DDX54: variants seen among roughly 807,000 people sequenced by gnomAD.
DDX54 encodes the protein DEAD-box helicase 54.
DDX54 carries 67 observed loss-of-function variants against 105.5 expected under a neutral mutation model. The observed-to-expected ratio is 0.64, with a 90% CI of 0.52 to 0.78. The LOEUF is 0.78. DDX54 is among the 30% of genes least tolerant of loss of function. The pLI, the probability that DDX54 is intolerant of heterozygous loss-of-function variation, is 0.00. For missense variants in DDX54, 1,206 were observed against 1,230.5 expected (o/e 0.98, Z 0.30); for synonymous variants, 514 against 509.9 (o/e 1.01, Z -0.11).
chr12:113,181,127 C>A, intron 1 of DDX54, 69 bp from the exon 2 acceptor site: 1 of 1,532,542 alleles, frequency 6.5e-7, no homozygotes, highest in Non-Finnish European at 8.7e-7. Context: ...AGGGAAGGGG[C>A]CTGTGCTGTT....
At chr12:113,182,799 C>T (rs192274671) in intron 1 of DDX54, among the ~76,000 whole-genome samples, 1 of 151,974 alleles carries the variant, frequency 6.6e-6, no homozygotes, top group East Asian at 1.9e-4. Context: ...TCAAGTGATC[C>T]GCTCACCTTG....
chr12:113,157,233 A>T lies in DDX54; in HGVS notation c.*1644T>A, dbSNP rs1214297038. ...TCATATTCATAAAGAAGTTAATTAA[A>T]ACAAAAGGAGAGCCACCCACGGAGA... On this transcript the variant is annotated 3_prime_UTR_variant, in exon 20 of 20. Transcript: ENST00000306014. The T allele has an allele frequency of 4.5e-6, 1 of 224,136 alleles. No individual in the cohort carries two copies. Among genetic ancestry groups the T allele is most frequent in the Non-Finnish European group, 8.8e-6 (1 of 113,530 alleles). 13.9% of individuals were successfully genotyped at this position (224,136 alleles called of 1,614,324 possible). A position where few individuals can be genotyped will look rare whatever the true frequency, so the allele number is the denominator to read the frequency against.
intron 1 of DDX54, among the ~76,000 whole-genome samples, chr12:113,182,564 C>CTTT (rs1184368637): frequency 6.9e-6 from 1 of 145,424 alleles, no homozygotes; most frequent in African/African-American, 2.5e-5. Flanking sequence ...CAGTCTTCTT[C>CTTT]TTTTTTTTTT....
In DDX54 at chr12:113,161,911, C is replaced by T. The variant is rs771409745; in HGVS notation, c.2282G>A (p.Ser761Asn). Residue 761 changes from serine to asparagine, a missense_variant, in exon 18 of 20, where the codon AGC (serine) becomes AAC (asparagine). By Grantham distance (46) the Ser-to-Asn change is conservative (BLOSUM62 1). Coordinates refer to ENST00000306014, the MANE Select transcript of DDX54 (RefSeq NM_024072.4). Reference sequence around the variant, plus strand: ...AGGATACAGGTCTCGCTTGTAGGAGCTGCTGATGTAGCGGCCGCTCTCTGT... The same window carrying T: ...AGGATACAGGTCTCGCTTGTAGGAGTTGCTGATGTAGCGGCCGCTCTCTGT... ...IKTESGRYIS[S>N]SYKRDLYQKW... The T allele has an allele frequency of 6.2e-7, 1 of 1,611,106 alleles. No individual in the cohort carries two copies. The highest frequency in any genetic ancestry group is 2.2e-5 in the East Asian group (1 of 44,722).
Position 113,165,716 on chromosome 12 carries a change from G to A in DDX54, c.1647C>T (p.Ser549=). 1.9e-6 allele frequency: 3 copies of A among 1,613,278 alleles called. No homozygotes were observed. The highest frequency in any genetic ancestry group is 2.5e-6 in the Non-Finnish European group (3 of 1,179,576). ...GCAGCTCCTCCTCCTCAAAACGCGA[G>A]CCTGGTAGGAAAGCAGCAAGGTGTG... ...LVGLGLHPLF[S]SRFEEEELQR... is the part of the protein sequence containing the mutation. The change falls in exon 14 of 20, where the codon AGC becomes AGT. Residue 549 remains serine (S), a splice_region_variant and synonymous_variant. Coordinates refer to ENST00000306014, the MANE Select transcript of DDX54 (RefSeq NM_024072.4).
At chr12:113,172,897 C>G (rs1357759329) in intron 10 of DDX54, among the ~76,000 whole-genome samples, 2 of 152,226 alleles carry the variant, frequency 1.3e-5, no homozygotes, top group African/African-American at 4.8e-5. Flanking sequence ...GGCAAGTTAC[C>G]AAACTTTTCT....
chr12:113,179,181 G>C lies in DDX54; in HGVS notation c.526C>G (p.Arg176Gly), dbSNP rs767686054. ...TTCAGGGTCTGCAGGGCCAGCTCTC[G>C]GGTCGGCGAGAGGATGAGGGCGCGG... is the stretch of plus-strand genomic sequence containing the variant. ...GARALILSPT[R>G]ELALQTLKFT... is the part of the protein sequence containing the mutation. The change falls in exon 4 of 20, where the codon CGA becomes GGA. Residue 176 changes from arginine to glycine, a missense_variant. Around this residue, in one of 3 missense-constraint regions of DDX54, gnomAD observed 961 missense variants for 1,019.1 expected, o/e 0.94. Coordinates refer to ENST00000306014, the MANE Select transcript of DDX54 (RefSeq NM_024072.4). 8 of 1,614,078 alleles carry C rather than the reference G, an allele frequency of 5.0e-6. No individual in the cohort carries two copies. Among genetic ancestry groups the C allele is most frequent in the Non-Finnish European group, 6.8e-6 (8 of 1,180,014 alleles).
chr12:113,181,879 C>A (rs961468041), intron 1 of DDX54, among the ~76,000 whole-genome samples: 6 of 151,748 alleles, frequency 4.0e-5, no homozygotes, highest in African/African-American at 1.5e-4. Context: ...CATGGCCAGG[C>A]GTGGTGGCTC....
At chr12:113,180,452 T>C (rs1952453308) in intron 2 of DDX54, among the ~76,000 whole-genome samples, 1 of 152,148 alleles carries the variant, frequency 6.6e-6, no homozygotes, top group Non-Finnish European at 1.5e-5. Context: ...AAGCTGGACT[T>C]GAACTCCTGG....
At chr12:113,162,615 G>GGCTCACTC (rs1416306819) in intron 17 of DDX54, 1 of 365,672 alleles carries the variant, frequency 2.7e-6, no homozygotes, top group African/African-American at 2.2e-5. Flanking sequence ...CTGGAGGGGT[G>GGCTCACTC]GCTCACTCGC....
At position 113,163,192 on chromosome 12, in the gene DDX54, C is replaced by G; in HGVS notation, c.2021G>C (p.Arg674Pro). The G allele has an allele frequency of 6.2e-7, 1 of 1,612,674 alleles. No individual in the cohort carries two copies. The highest frequency in any genetic ancestry group is 8.5e-7 in the Non-Finnish European group (1 of 1,179,988). The change falls in exon 16 of 20, where the codon CGG becomes CCG. Residue 674 changes from arginine (R) to proline (P), a missense_variant. Coordinates refer to ENST00000306014, the MANE Select transcript of DDX54 (RefSeq NM_024072.4). The surrounding 1 kb of genome is among the most constrained non-coding windows in gnomAD (Gnocchi z 5.9). ...RGAKRRREEA[R>P]QRDQEFYIPY... is the part of the protein sequence containing the mutation. ...GATGTAGAATTCCTGGTCCCGCTGC[C>G]GGGCCTCCTCCCTCCGCCTCTTGGC...
chr12:113,166,787 C>G lies in DDX54; in HGVS notation c.1415-755G>C, dbSNP rs928444926. On this transcript the variant is annotated intron_variant, in intron 12 of 19. Transcript: ENST00000306014. Reference sequence around the variant, plus strand: ...TTAGAAATTCAATTTCCACAGCAACCCTGTTCTATAGATAAGAAAACTGAG... The same window carrying G: ...TTAGAAATTCAATTTCCACAGCAACGCTGTTCTATAGATAAGAAAACTGAG... Among the ~76,000 whole-genome samples the G allele has an allele frequency of 3.3e-5, 5 of 152,128 alleles. 1 individual carries two copies. The highest frequency in any genetic ancestry group is 4.1e-4 in the South Asian group (2 of 4,832).
chr12:113,177,376 G>A (rs182738060), intron 5 of DDX54: 4 of 383,400 alleles, frequency 1.0e-5, no homozygotes, highest in South Asian at 5.6e-5. Flanking sequence ...TAGCAACAAA[G>A]CTGCCTTCCA....
At position 113,179,163 on chromosome 12, in the gene DDX54, T is replaced by C. The variant is rs992734125; in HGVS notation, c.544A>G (p.Thr182Ala). The C allele has an allele frequency of 3.1e-6, 5 of 1,613,778 alleles. No homozygotes were observed. The highest frequency in any genetic ancestry group is 4.2e-6 in the Non-Finnish European group (5 of 1,179,906). Reference protein sequence around the residue: ...LSPTRELALQTLKFTKELGKF... With the variant: ...LSPTRELALQALKFTKELGKF... Reference sequence around the variant, plus strand: ...CACACCTCCTTAGTGAACTTCAGGGTCTGCAGGGCCAGCTCTCGGGTCGGC... The same window carrying C: ...CACACCTCCTTAGTGAACTTCAGGGCCTGCAGGGCCAGCTCTCGGGTCGGC... The change falls in exon 4 of 20, where the codon ACC becomes GCC. Residue 182 changes from threonine (T) to alanine (A), a missense_variant. Transcript: ENST00000306014.
Position 113,161,299 on chromosome 12 carries a change from C to G in DDX54, c.2384G>C (p.Arg795Pro), listed in dbSNP as rs144699331. 1.1e-4 allele frequency: 179 copies of G among 1,613,516 alleles called. 1 individual carries two copies. In the African/African-American group the frequency reaches 2.2e-3, roughly 20 times the overall value. The change falls in exon 19 of 20, where the codon CGA becomes CCA. Residue 795 changes from arginine (R) to proline (P), a missense_variant. This residue lies in a region of DDX54 where 961 missense variants were observed against 1,019.1 expected (regional missense o/e 0.94). Transcript: ENST00000306014. ...EGASDRRGPE[R>P]RGGKRDRGQG... ...GCCACGGTCTCGCTTCCCACCTCTT[C>G]GCTCTGGGCCTCGCCGGTCAGATGC...
At chr12:113,169,655 T>A (rs1952312321) in intron 12 of DDX54, 115 bp downstream of exon 12, 1 of 1,253,814 alleles carries the variant, frequency 8.0e-7, no homozygotes, top group Admixed American at 2.5e-5. Flanking sequence ...TACAATAAAA[T>A]AAATAAAAGG....
chr12:113,158,454 A>G lies in DDX54; in HGVS notation c.*423T>C. ...GGGATTTTAGTACCTGGGTCTCTCC[A>G]TTCCAGTTCCCCAAGTAGACCGCAC... On this transcript the variant is annotated 3_prime_UTR_variant, in exon 20 of 20. Coordinates refer to ENST00000306014, the MANE Select transcript of DDX54 (RefSeq NM_024072.4). This position sits in a 1 kb window ranked among gnomAD's most constrained non-coding sequence, Gnocchi z 4.9. 1 of 160,918 alleles carries G rather than the reference A, an allele frequency of 6.2e-6. No homozygotes were observed. Among genetic ancestry groups the G allele is most frequent in the Non-Finnish European group, 1.3e-5 (1 of 74,274 alleles). The allele number at this position is 160,918 out of a possible 1,614,324, so 10.0% of individuals were successfully genotyped here.
chr12:113,160,197 G>T (rs1030996637), intron 19 of DDX54, among the ~76,000 whole-genome samples: 2 of 152,152 alleles, frequency 1.3e-5, no homozygotes, highest in Admixed American at 1.3e-4. Context: ...GGAGAGGGAG[G>T]AGCCACAGAG....
chr12:113,178,152 A>G (rs1284906672), intron 5 of DDX54, among the ~76,000 whole-genome samples: 1 of 152,188 alleles, frequency 6.6e-6, no homozygotes, highest in African/African-American at 2.4e-5. Context: ...TGGGAGGATC[A>G]CTTGAGCCCA....
Sources: gnomAD v4.1 joint callset for allele counts (sites outside exome capture counted in the v4.1 genomes callset) on GRCh38, gnomAD v4.1.1 for gene constraint, gnomAD v4.1.1 regional missense constraint, Gnocchi (gnomAD v3.1) non-coding constraint, MANE v1.5 for transcripts, NCBI Gene and HGNC (gene_info 2026-07-23, HGNC 2026-07-21) for gene names.